Variants in MAGED1 observed in about 807,000 individuals in gnomAD.
MAGED1 encodes melanoma-associated antigen D1.
Under a neutral mutation model 54.1 loss-of-function variants are expected in MAGED1, and 3 were observed. The ratio of observed to expected loss-of-function variants is 0.06; its 90% CI spans 0.03 to 0.14. MAGED1 has a LOEUF of 0.14. Among genes scored for constraint, MAGED1 ranks in the 10% least tolerant of loss-of-function variants. MAGED1 has a pLI of 1.00. For synonymous variants in MAGED1, 217 were observed against 227.3 expected (o/e 0.95, Z 0.41); for missense variants, 485 against 623.4 (o/e 0.78, Z 2.36).
Position 51,894,363 on chromosome X carries a change from T to C in MAGED1, c.45+14T>C. ...CTCGGCTTCCAGGTGAGATCTCCAC[T>C]CCCCACCCCACCATTTCCCCAGCCG... is the stretch of plus-strand genomic sequence containing the variant. On this transcript the variant is annotated intron_variant, in intron 2 of 12. Coordinates refer to ENST00000326587, the MANE Select transcript of MAGED1 (RefSeq NM_006986.4). The C allele has an allele frequency of 8.4e-7, 1 of 1,190,790 alleles. No individual in the cohort carries two copies.
intron 1 of MAGED1, among the ~76,000 whole-genome samples, chrX:51,816,849 A>G (rs1258542011): frequency 1.8e-5 from 2 of 112,021 alleles, no homozygotes; most frequent in African/African-American, 3.2e-5. Context: ...GAGCAAAAAG[A>G]TAAAAGGGTG....
intron 1 of MAGED1, among the ~76,000 whole-genome samples, chrX:51,845,900 C>T (rs1236676233): frequency 5.4e-5 from 6 of 110,951 alleles, no homozygotes; most frequent in East Asian, 2.8e-4. Context: ...CTCAGCCTCC[C>T]GAGTAGCTGG....
intron 1 of MAGED1, among the ~76,000 whole-genome samples, chrX:51,872,687 A>T (rs782808290): frequency 7.9e-4 from 89 of 111,988 alleles, no homozygotes; most frequent in Non-Finnish European, 1.5e-3. Context: ...ACTGGTCAGG[A>T]CCCTGTCTAT....
intron 1 of MAGED1, among the ~76,000 whole-genome samples, chrX:51,821,662 T>C (rs1424570158): frequency 4.5e-5 from 5 of 112,121 alleles, no homozygotes; most frequent in Non-Finnish European, 5.6e-5. Context: ...AGTGCTAGGA[T>C]TACAGGCGTG....
At chrX:51,843,791 G>A (rs1382281898) in intron 1 of MAGED1, among the ~76,000 whole-genome samples, 4 of 111,690 alleles carry the variant, frequency 3.6e-5, no homozygotes, top group Non-Finnish European at 5.6e-5. Flanking sequence ...TTGGGTAATG[G>A]TTGAGAATGG....
At chrX:51,891,692 CTG>C (rs1447001257), upstream of MAGED1, among the ~76,000 whole-genome samples, 5 of 112,008 alleles carry the variant, frequency 4.5e-5, no homozygotes, top group East Asian at 2.8e-4. Context: ...AGGAGAAACA[CTG>C]TGTTGGTGGG....
At chrX:51,815,340 A>G (rs1557355954) in intron 1 of MAGED1, among the ~76,000 whole-genome samples, 1 of 111,012 alleles carries the variant, frequency 9.0e-6, no homozygotes, top group Non-Finnish European at 1.9e-5. Flanking sequence ...TTGCCCCTGA[A>G]GAACTTCCGG....
intron 1 of MAGED1, among the ~76,000 whole-genome samples, chrX:51,805,823 TTATC>T (rs782447616): frequency 1.8e-5 from 2 of 109,162 alleles, no homozygotes; most frequent in Non-Finnish European, 3.8e-5. Context: ...ATCCATCCAT[TTATC>T]CATCCATCTA....
At chrX:51,831,370 G>A (rs1926059724) in intron 1 of MAGED1, among the ~76,000 whole-genome samples, 2 of 111,892 alleles carry the variant, frequency 1.8e-5, no homozygotes, top group Non-Finnish European at 3.8e-5. Flanking sequence ...CCAGCACTTG[G>A]GGAGGCCAAG....
Position 51,897,192 on chromosome X carries a change from C to T in MAGED1, c.1423-16C>T. 2 of 1,208,689 alleles carry T rather than the reference C, an allele frequency of 1.7e-6. No homozygotes were observed. Among genetic ancestry groups the T allele is most frequent in the East Asian group, 3.0e-5 (1 of 33,765 alleles). On this transcript the variant is annotated splice_polypyrimidine_tract_variant and intron_variant, in intron 4 of 12. Coordinates refer to ENST00000326587, the MANE Select transcript of MAGED1 (RefSeq NM_006986.4). ...AAATATTTTATAAGTTTAATGATTT[C>T]CTTTTTCCCTCCCAGGCAAATAAGT...
chrX:51,902,038 A>C, intron 12 of MAGED1, 100 bp downstream of exon 12: 53 of 886,828 alleles, frequency 6.0e-5, no homozygotes, highest in South Asian at 1.2e-4. Flanking sequence ...TAGGAAACTC[A>C]TTGTAGGGAG....
intron 1 of MAGED1, among the ~76,000 whole-genome samples, chrX:51,825,454 G>A (rs1925821557): frequency 1.8e-5 from 2 of 112,351 alleles, no homozygotes; most frequent in Admixed American, 1.9e-4. Context: ...AGCAGAAGAG[G>A]TTGACTTCGT....
intron 10 of MAGED1, 40 bp from the exon 11 acceptor site, chrX:51,900,142 G>A: frequency 1.1e-6 from 1 of 872,556 alleles, no homozygotes; most frequent in Non-Finnish European, 1.7e-6. Context: ...CTACCATTCT[G>A]CCTGGGTAGG....
At chrX:51,850,300 T>C (rs916544896) in intron 1 of MAGED1, among the ~76,000 whole-genome samples, 5 of 111,539 alleles carry the variant, frequency 4.5e-5, no homozygotes, top group Admixed American at 2.9e-4. Context: ...TTTCAACTTA[T>C]CAAAGAAAGG....
intron 1 of MAGED1, among the ~76,000 whole-genome samples, chrX:51,817,557 A>G (rs1364243105): frequency 8.9e-6 from 1 of 112,060 alleles, no homozygotes; most frequent in Non-Finnish European, 1.9e-5. Flanking sequence ...CACAATAAAC[A>G]TGTACCTGGC....
At chrX:51,898,431 G>T in intron 9 of MAGED1, 104 bp downstream of exon 9, 1 of 1,044,669 alleles carries the variant, frequency 9.6e-7, no homozygotes. Flanking sequence ...GTTTGGTTTG[G>T]GGATGTTCAG....
intron 1 of MAGED1, among the ~76,000 whole-genome samples, chrX:51,830,042 A>G (rs572313473): frequency 8.9e-6 from 1 of 111,801 alleles, no homozygotes; most frequent in Non-Finnish European, 1.9e-5. Flanking sequence ...AACTGTTCCA[A>G]ATTAATAGGG....
At chrX:51,832,314 GC>G (rs1926100174) in intron 1 of MAGED1, among the ~76,000 whole-genome samples, 1 of 111,949 alleles carries the variant, frequency 8.9e-6, no homozygotes, top group South Asian at 3.7e-4. Flanking sequence ...ACAGGCATGA[GC>G]CACTGCACTC....
intron 1 of MAGED1, among the ~76,000 whole-genome samples, chrX:51,850,200 C>T (rs1356520958): frequency 3.6e-5 from 4 of 111,745 alleles, no homozygotes; most frequent in Non-Finnish European, 5.6e-5. Context: ...GGATTACAGA[C>T]GTGAGGCACT....
Sources: allele counts gnomAD v4.1 joint callset (sites outside exome capture counted in the v4.1 genomes callset), GRCh38; gene constraint gnomAD v4.1.1; transcripts MANE v1.5; gene names NCBI Gene and HGNC (gene_info 2026-07-23, HGNC 2026-07-21).